SUGCT: variants seen among roughly 807,000 people sequenced by gnomAD.
SUGCT encodes the protein succinyl-CoA:glutarate CoA-transferase.
A neutral mutation model predicts 55.0 loss-of-function variants in SUGCT; 41 were observed. The observed-to-expected ratio is 0.74, with a 90% CI of 0.58 to 0.97. The LOEUF (loss-of-function observed/expected upper bound fraction) is 0.97. SUGCT is among the 50% of genes least tolerant of loss of function. SUGCT has a pLI of 0.00. For synonymous variants in SUGCT, 187 were observed against 200.4 expected (o/e 0.93, Z 0.56); for missense variants, 568 against 547.8 (o/e 1.04, Z -0.37).
At chr7:40,548,186 C>CGTTTTTT (rs1795101232) in intron 12 of SUGCT, among the ~76,000 whole-genome samples, 1 of 104,996 alleles carries the variant, frequency 9.5e-6, no homozygotes, top group Admixed American at 1.0e-4. Context: ...TTCTTTCTTT[C>CGTTTTTT]TTTTTTTTTT....
At chr7:40,620,526 C>T (rs1465642824) in intron 12 of SUGCT, among the ~76,000 whole-genome samples, 1 of 152,072 alleles carries the variant, frequency 6.6e-6, no homozygotes, top group African/African-American at 2.4e-5. Flanking sequence ...CCTCAGCCTC[C>T]TGAGTAGCTG....
chr7:40,313,603 A>T (rs776958030), intron 8 of SUGCT, among the ~76,000 whole-genome samples: 1 of 151,604 alleles, frequency 6.6e-6, no homozygotes, highest in Non-Finnish European at 1.5e-5. Flanking sequence ...GTTACTGACA[A>T]ATCACACTTT....
At chr7:41,025,958 G>A in the SUGCT span, among the ~76,000 whole-genome samples, 4,019 of 152,242 alleles carry the variant, frequency 0.026, 185 homozygotes, top group South Asian at 0.18. Flanking sequence ...CAGTCAAAAT[G>A]GGTCGAGGGG....
chr7:40,529,631 T>C (rs1281004551), intron 12 of SUGCT, among the ~76,000 whole-genome samples: 1 of 152,240 alleles, frequency 6.6e-6, no homozygotes, highest in Admixed American at 6.5e-5. Context: ...AGGAACACCC[T>C]CTTGGGAAGA....
intron 9 of SUGCT, among the ~76,000 whole-genome samples, chr7:40,354,861 A>G (rs534918224): frequency 2.0e-5 from 3 of 152,310 alleles, no homozygotes; most frequent in South Asian, 2.1e-4. Context: ...ACTTGGCTAA[A>G]TAGTTTACAT....
chr7:40,156,099 C>T (rs1783881489), intron 1 of SUGCT, among the ~76,000 whole-genome samples: 1 of 152,072 alleles, frequency 6.6e-6, no homozygotes, highest in Non-Finnish European at 1.5e-5. Flanking sequence ...TGAAGTGATC[C>T]ACCTGCCTCA....
chr7:40,714,579 TG>T (rs370708722), intron 12 of SUGCT, among the ~76,000 whole-genome samples: 1,564 of 152,270 alleles, frequency 0.01, 28 homozygotes, highest in African/African-American at 0.035. Context: ...TGTGCTTGTG[TG>T]GGTTTTATTT....
chr7:40,801,817 T>G (rs1790830654), intron 13 of SUGCT, among the ~76,000 whole-genome samples: 1 of 152,050 alleles, frequency 6.6e-6, no homozygotes, highest in Non-Finnish European at 1.5e-5. Context: ...TTATCACATG[T>G]GCTCAGGCCC....
chr7:40,265,786 A>C (rs1440155183), intron 7 of SUGCT, among the ~76,000 whole-genome samples: 1 of 152,174 alleles, frequency 6.6e-6, no homozygotes, highest in Non-Finnish European at 1.5e-5. Flanking sequence ...CCCCGTCTCT[A>C]CTAAAAGTAC....
intron 11 of SUGCT, among the ~76,000 whole-genome samples, chr7:40,474,142 A>G (rs1265580780): frequency 6.6e-6 from 1 of 152,174 alleles, no homozygotes; most frequent in Non-Finnish European, 1.5e-5. Context: ...TAAATTATTT[A>G]AAGTAGTTTA....
chr7:40,526,227 G>A (rs1440456700), intron 12 of SUGCT, among the ~76,000 whole-genome samples: 1 of 151,788 alleles, frequency 6.6e-6, no homozygotes, highest in Non-Finnish European at 1.5e-5. Context: ...TCTTTTCATT[G>A]TGCCCTGTCA....
At chr7:40,909,985 T>C in the SUGCT span, among the ~76,000 whole-genome samples, 2 of 152,174 alleles carry the variant, frequency 1.3e-5, no homozygotes, top group Non-Finnish European at 2.9e-5. Flanking sequence ...TAATTCACTT[T>C]TCATTTTCCT....
At chr7:40,829,655 A>G (rs1288130212) in intron 13 of SUGCT, among the ~76,000 whole-genome samples, 1 of 152,202 alleles carries the variant, frequency 6.6e-6, no homozygotes, top group Non-Finnish European at 1.5e-5. Context: ...CTTTCCATGC[A>G]TGGAGTGGCA....
chr7:40,181,952 T>C lies in SUGCT; in HGVS notation c.153-3T>C. 1.3e-6 allele frequency: 2 copies of C among 1,558,820 alleles called. No individual in the cohort carries two copies. The highest frequency in any genetic ancestry group is 1.2e-5 in the South Asian group (1 of 84,620). On this transcript the variant is annotated splice_region_variant and splice_polypyrimidine_tract_variant and intron_variant, in intron 2 of 13. Transcript: ENST00000335693. The stretch of plus-strand genomic sequence containing the variant: ...AATTTATTTATCATTTTTAACATTG[T>C]AGAGTCCTGGCGGGACCTTTTGCTA...
At chr7:40,403,292 TAG>T (rs923736420) in intron 9 of SUGCT, among the ~76,000 whole-genome samples, 1 of 152,166 alleles carries the variant, frequency 6.6e-6, no homozygotes, top group African/African-American at 2.4e-5. Context: ...TGTCAATAAA[TAG>T]AGAGTTCCAT....
intron 12 of SUGCT, among the ~76,000 whole-genome samples, chr7:40,613,261 C>T (rs113489871): frequency 2.0e-5 from 3 of 152,250 alleles, no homozygotes; most frequent in African/African-American, 4.8e-5. Context: ...TGGTGGGGGC[C>T]GTCACCATGA....
chr7:40,525,949 C>G (rs1003716758), intron 12 of SUGCT, among the ~76,000 whole-genome samples: 1 of 152,170 alleles, frequency 6.6e-6, no homozygotes. Flanking sequence ...TCCATCTTGT[C>G]TCCAAGGCTA....
chr7:41,029,829 C>T, the SUGCT span, among the ~76,000 whole-genome samples: 2 of 152,180 alleles, frequency 1.3e-5, no homozygotes, highest in Non-Finnish European at 2.9e-5. Context: ...TTGGCAAATA[C>T]ATAATGTCAT....
intron 9 of SUGCT, among the ~76,000 whole-genome samples, chr7:40,354,852 C>T (rs1354593025): frequency 1.3e-5 from 2 of 152,154 alleles, no homozygotes; most frequent in Non-Finnish European, 2.9e-5. Flanking sequence ...GTGCCAAGCA[C>T]TTGGCTAAAT....
Sources: gnomAD v4.1 joint callset for allele counts (sites outside exome capture counted in the v4.1 genomes callset) on GRCh38, gnomAD v4.1.1 for gene constraint, MANE v1.5 for transcripts, NCBI Gene and HGNC (gene_info 2026-07-23, HGNC 2026-07-21) for gene names.